The following AOPEP variants were observed in gnomAD, a reference collection of about 807,000 sequenced individuals.
The protein encoded by AOPEP is aminopeptidase O (putative), also known as aminopeptidase O.
In AOPEP, 77 loss-of-function variants were observed where a neutral mutation model predicts 98.1. That is an observed-to-expected ratio of 0.78 (90% CI 0.65 to 0.95). The LOEUF (loss-of-function observed/expected upper bound fraction) is 0.95. AOPEP is among the 40% of genes least tolerant of loss of function. The pLI, the probability that AOPEP is intolerant of heterozygous loss-of-function variation, is 0.00. For synonymous variants in AOPEP, 346 were observed against 365.3 expected (o/e 0.95, Z 0.60); for missense variants, 1,024 against 1,024.7 (o/e 1.00, Z 0.01).
chr9:94,753,359 A>C (rs1054239423), intron 1 of AOPEP, among the ~76,000 whole-genome samples: 1 of 152,206 alleles, frequency 6.6e-6, no homozygotes, highest in African/African-American at 2.4e-5. Flanking sequence ...AAATAATAGC[A>C]ACAATAATAT....
chr9:95,060,598 G>C (rs567687663), intron 13 of AOPEP, 96 bp from the exon 14 acceptor site: 7 of 829,608 alleles, frequency 8.4e-6, no homozygotes, highest in South Asian at 8.3e-5. Context: ...AAAGCACCCA[G>C]GTTACCCTGG....
At chr9:95,105,068 C>T in the AOPEP span, among the ~76,000 whole-genome samples, 1 of 152,344 alleles carries the variant, frequency 6.6e-6, no homozygotes, top group South Asian at 2.1e-4. Flanking sequence ...TGTGCTGGGG[C>T]CGGGCCCAAA....
chr9:95,124,981 A>G, the AOPEP span: 1 of 958,116 alleles, frequency 1.0e-6, no homozygotes, highest in South Asian at 1.4e-5. Flanking sequence ...TTTGTGAGCA[A>G]AACAGTCCAT....
chr9:94,745,105 A>G (rs1324989649), intron 1 of AOPEP, among the ~76,000 whole-genome samples: 1 of 152,146 alleles, frequency 6.6e-6, no homozygotes, highest in Admixed American at 6.5e-5. Context: ...CAGTTATTCT[A>G]AAATGCAAAA....
intron 3 of AOPEP, among the ~76,000 whole-genome samples, chr9:94,775,643 G>C (rs1290387825): frequency 2.0e-5 from 3 of 152,086 alleles, no homozygotes; most frequent in Admixed American, 6.5e-5. Context: ...GCAATTACAG[G>C]TGTGAGCCAC....
chr9:94,975,218 C>T (rs1363845308), intron 10 of AOPEP, among the ~76,000 whole-genome samples: 2 of 151,904 alleles, frequency 1.3e-5, no homozygotes, highest in African/African-American at 4.8e-5. Flanking sequence ...GGCTGAGTGA[C>T]AAAGTGGGAC....
intron 15 of AOPEP, 69 bp downstream of exon 15, chr9:95,080,849 GT>G: frequency 1.0e-6 from 1 of 989,976 alleles, no homozygotes. Context: ...AGGAATCCAC[GT>G]TCTCAGTATC....
chr9:95,004,375 CTG>C, intron 11 of AOPEP: 1 of 434,320 alleles, frequency 2.3e-6, no homozygotes, highest in Non-Finnish European at 4.7e-6. Context: ...CCACGGCAGT[CTG>C]AGGGCTGCGG....
intron 1 of AOPEP, among the ~76,000 whole-genome samples, chr9:94,738,415 T>C (rs1458089986): frequency 2.6e-5 from 4 of 152,152 alleles, no homozygotes; most frequent in Admixed American, 2.0e-4. Flanking sequence ...GCCTCTGACA[T>C]GAAGTGTTTG....
chr9:95,105,043 C>T, the AOPEP span, among the ~76,000 whole-genome samples: 3 of 152,358 alleles, frequency 2.0e-5, no homozygotes, highest in South Asian at 6.2e-4. Flanking sequence ...AATAGATTCT[C>T]GAAAGCATTC....
At chr9:95,098,598 G>A in the AOPEP span, among the ~76,000 whole-genome samples, 564 of 152,274 alleles carry the variant, frequency 3.7e-3, no homozygotes, top group Non-Finnish European at 6.9e-3. Context: ...TGGCCACGGC[G>A]CTGCTCGCCT....
chr9:94,740,443 A>G (rs1832803452), intron 1 of AOPEP, among the ~76,000 whole-genome samples: 1 of 152,240 alleles, frequency 6.6e-6, no homozygotes, highest in African/African-American at 2.4e-5. Context: ...CAAGATGTCA[A>G]AACATCATAA....
intron 5 of AOPEP, among the ~76,000 whole-genome samples, chr9:94,851,570 G>A (rs1333826410): frequency 6.6e-6 from 1 of 151,608 alleles, no homozygotes; most frequent in Non-Finnish European, 1.5e-5. Context: ...AACTTAACCA[G>A]CCATTACTTG....
At chr9:94,766,149 T>C (rs73532340) in intron 2 of AOPEP, among the ~76,000 whole-genome samples, 8 of 152,208 alleles carry the variant, frequency 5.3e-5, no homozygotes, top group Non-Finnish European at 1.2e-4. Flanking sequence ...AAATAAACTT[T>C]TAAAATGGAA....
intron 2 of AOPEP, among the ~76,000 whole-genome samples, chr9:94,769,270 C>T (rs380205): frequency 0.22 from 33,215 of 152,134 alleles, 5,116 homozygotes; most frequent in African/African-American, 0.43. Flanking sequence ...CAACTGTAGA[C>T]TGATTTCAGG....
At chr9:94,854,775 A>G (rs955965522) in intron 5 of AOPEP, among the ~76,000 whole-genome samples, 4 of 152,234 alleles carry the variant, frequency 2.6e-5, no homozygotes, top group Non-Finnish European at 5.9e-5. Flanking sequence ...TATGTTTACC[A>G]TAATAAACAT....
At chr9:95,086,570 T>C (rs1325821009) in intron 16 of AOPEP, 112 bp from the exon 17 acceptor site, 1 of 995,940 alleles carries the variant, frequency 1.0e-6, no homozygotes, top group East Asian at 1.1e-4. Flanking sequence ...CTCCTTGTCC[T>C]GTGATTAAAG....
chr9:94,771,174 A>T (rs1259275148), intron 2 of AOPEP, among the ~76,000 whole-genome samples: 1 of 152,170 alleles, frequency 6.6e-6, no homozygotes, highest in East Asian at 1.9e-4. Flanking sequence ...GAGGAGACCA[A>T]CATCTTGGTA....
chr9:95,074,910 G>A (rs2068886529), intron 14 of AOPEP, among the ~76,000 whole-genome samples: 1 of 152,238 alleles, frequency 6.6e-6, no homozygotes, highest in African/African-American at 2.4e-5. Context: ...ATCCTTGATA[G>A]GTGAGGTGTT....
Sources: allele counts gnomAD v4.1 joint callset (sites outside exome capture counted in the v4.1 genomes callset), GRCh38; gene constraint gnomAD v4.1.1; transcripts MANE v1.5; gene names NCBI Gene and HGNC (gene_info 2026-07-23, HGNC 2026-07-21).